The following CWF19L1 variants were observed in gnomAD, a reference collection of about 807,000 sequenced individuals.
CWF19L1 encodes the protein CWF19-like protein 1.
Under a neutral mutation model 69.7 loss-of-function variants are expected in CWF19L1, and 60 were observed. The ratio of observed to expected loss-of-function variants is 0.86; its 90% CI spans 0.70 to 1.07. The LOEUF (loss-of-function observed/expected upper bound fraction) is 1.07. Among genes scored for constraint, CWF19L1 ranks in the 50% least tolerant of loss-of-function variants. The pLI is 0.00. For synonymous variants in CWF19L1, 209 were observed against 222.2 expected, an observed-to-expected ratio of 0.94 and a Z score of 0.53; for missense variants, 591 against 638.9, an observed-to-expected ratio of 0.92 and a Z score of 0.81.
rs766557305 is a variant in CWF19L1, at chr10:100,234,488, TG to T, written c.1473-1118del. ...TGTTGTCAATGTTCATAACCGCATCTGTTGCTGAGGCAACAACGAAAACATC... is the reference window on the plus strand; with the variant it reads ...TGTTGTCAATGTTCATAACCGCATCTTTGCTGAGGCAACAACGAAAACATC... On this transcript the variant is annotated intron_variant, in intron 13 of 13. Transcript: ENST00000354105. Among the ~76,000 whole-genome samples, 23 of 152,356 alleles carry T rather than the reference TG, an allele frequency of 1.5e-4. No homozygotes were observed. In the East Asian group the frequency reaches 4.4e-3, roughly 29 times the overall value.
intron 7 of CWF19L1, chr10:100,248,588 A>T: frequency 1.4e-6 from 1 of 739,066 alleles, no homozygotes. Context: ...ACCAGCATTG[A>T]AGAGGATTAT....
intron 13 of CWF19L1, 148 bp from the exon 14 acceptor site, chr10:100,233,519 G>A (rs1465227257): frequency 2.7e-5 from 18 of 662,298 alleles, no homozygotes; most frequent in South Asian, 1.5e-4. Flanking sequence ...AATCATACCC[G>A]TTTTAAATGA....
At chr10:100,259,200 T>TAA (rs11285407) in intron 4 of CWF19L1, among the ~76,000 whole-genome samples, 4 of 128,452 alleles carry the variant, frequency 3.1e-5, no homozygotes, top group East Asian at 2.3e-4. Context: ...GACACTGTCT[T>TAA]AAAAAAAAAA....
At chr10:100,243,094 A>T (rs1846688466) in intron 10 of CWF19L1, among the ~76,000 whole-genome samples, 1 of 152,160 alleles carries the variant, frequency 6.6e-6, no homozygotes. Flanking sequence ...TTACTATATA[A>T]CCTAGCAAAT....
At chr10:100,234,654 C>T (rs1846375358) in intron 13 of CWF19L1, among the ~76,000 whole-genome samples, 1 of 152,188 alleles carries the variant, frequency 6.6e-6, no homozygotes, top group Admixed American at 6.5e-5. Context: ...GTTCAAGGCT[C>T]ACTCAAAGCC....
At chr10:100,260,028 T>C (rs1202781064) in intron 4 of CWF19L1, among the ~76,000 whole-genome samples, 190 bp downstream of exon 4, 11 of 151,688 alleles carry the variant, frequency 7.3e-5, no homozygotes, top group Admixed American at 2.0e-4. Flanking sequence ...ATTAGCCGGG[T>C]ATGGTCACAC....
chr10:100,249,035 T>A, intron 7 of CWF19L1: 2 of 591,944 alleles, frequency 3.4e-6, no homozygotes, highest in Non-Finnish European at 6.3e-6. Flanking sequence ...ATCAGCTCCC[T>A]GCCAGCGGGG....
Position 100,235,629 on chromosome 10 carries a change from G to A in CWF19L1, c.1472+38C>T, listed in dbSNP as rs151028788. ...GTAGCCCACCACTCTGTTCATAGCA[G>A]GTCTAGTGAAAATACATTGAAAAGA... On this transcript the variant is annotated intron_variant, in intron 13 of 13. Coordinates refer to ENST00000354105, the MANE Select transcript of CWF19L1 (RefSeq NM_018294.6). The A allele has an allele frequency of 5.3e-5, 74 of 1,392,016 alleles. No individual in the cohort carries two copies. The African/African-American group carries it at 9.8e-4, about 18-fold the overall frequency. The allele number at this position is 1,392,016 out of a possible 1,614,324, so 86.2% of individuals were successfully genotyped here.
intron 4 of CWF19L1, 94 bp from the exon 5 acceptor site, chr10:100,256,570 C>T (rs1014769776): frequency 5.9e-5 from 56 of 952,402 alleles, no homozygotes; most frequent in African/African-American, 4.2e-4. Flanking sequence ...CTCCTATGTC[C>T]CTGCCATTTT....
rs1846337901 is a variant in CWF19L1, at chr10:100,233,389, A to G, written c.1473-18T>C. 6.2e-7 allele frequency: 1 copy of G among 1,605,834 alleles called. No individual in the cohort carries two copies. On this transcript the variant is annotated intron_variant, in intron 13 of 13. Coordinates refer to ENST00000354105, the MANE Select transcript of CWF19L1 (RefSeq NM_018294.6). ...GGACCTCCCTGCAGAAATAGCACAA[A>G]GAAGTCAAAATGGAAACTATCAGCC...
At chr10:100,251,376 C>T (rs1007713967) in intron 6 of CWF19L1, among the ~76,000 whole-genome samples, 1 of 152,120 alleles carries the variant, frequency 6.6e-6, no homozygotes, top group African/African-American at 2.4e-5. Flanking sequence ...CTTGTCAACA[C>T]TTGTTATTAT....
At chr10:100,255,696 G>C (rs567378888) in intron 5 of CWF19L1, among the ~76,000 whole-genome samples, 9 of 151,476 alleles carry the variant, frequency 5.9e-5, no homozygotes, top group Non-Finnish European at 8.8e-5. Flanking sequence ...CCAGGAGGCA[G>C]AGGTTGTGGT....
At chr10:100,265,846 T>C (rs2134331253) in intron 1 of CWF19L1, among the ~76,000 whole-genome samples, 1 of 152,256 alleles carries the variant, frequency 6.6e-6, no homozygotes, top group South Asian at 2.1e-4. Context: ...ACCCTTTCTA[T>C]ATTTAAATAC....
chr10:100,267,078 T>C lies in CWF19L1; in HGVS notation c.23+493A>G, dbSNP rs1847618921. 2.0e-5 allele frequency among the ~76,000 whole-genome samples: 3 copies of C among 147,728 alleles called. No individual in the cohort carries two copies. In the South Asian group the frequency reaches 6.4e-4, roughly 32 times the overall value. On this transcript the variant is annotated intron_variant, in intron 1 of 13. Transcript: ENST00000354105. ...ACACCTAGCACAGCGTCCGGCACACTGCAGTTCTTCAATAAATACTTGCTG... is the reference window on the plus strand; with the variant it reads ...ACACCTAGCACAGCGTCCGGCACACCGCAGTTCTTCAATAAATACTTGCTG...
intron 8 of CWF19L1, among the ~76,000 whole-genome samples, chr10:100,246,324 A>C (rs916819739): frequency 6.6e-5 from 10 of 152,228 alleles, no homozygotes; most frequent in African/African-American, 2.2e-4. Context: ...AAGTCTGAGA[A>C]AGCAGACCGT....
rs1846459343 is a variant in CWF19L1 at position 100,236,933 on chromosome 10, C to T, written c.1291G>A (p.Asp431Asn). The part of the protein sequence containing the change: ...PVPISCSTTD[D>N]IKDAFITQAQ... ...TGGGTAATGAAGGCATCTTTAATGTCATCAGTAGTAGAGCAGCTGATTGGG... is the reference window on the plus strand; with the variant it reads ...TGGGTAATGAAGGCATCTTTAATGTTATCAGTAGTAGAGCAGCTGATTGGG... The change falls in exon 12 of 14, where the codon GAC becomes AAC. Residue 431 changes from aspartate (D) to asparagine (N), a missense_variant. Physicochemically the swap from Asp to Asn is conservative, Grantham distance 23. Transcript: ENST00000354105. The T allele has an allele frequency of 6.2e-7, 1 of 1,610,344 alleles. No individual in the cohort carries two copies. The highest frequency in any genetic ancestry group is 2.2e-5 in the East Asian group (1 of 44,826).
At chr10:100,245,774 A>C in intron 9 of CWF19L1, 25 bp downstream of exon 9, 5 of 1,562,886 alleles carry the variant, frequency 3.2e-6, no homozygotes, top group Non-Finnish European at 4.4e-6. Context: ...TTCATAGAAG[A>C]AACCTCTGGA....
intron 7 of CWF19L1, 104 bp from the exon 8 acceptor site, chr10:100,247,039 G>T: frequency 1.8e-6 from 2 of 1,117,814 alleles, no homozygotes; most frequent in Non-Finnish European, 2.5e-6. Flanking sequence ...GTGAAACTCA[G>T]TAAAATTAAA....
chr10:100,260,561 C>T (rs1214851672), intron 3 of CWF19L1, among the ~76,000 whole-genome samples: 5 of 151,056 alleles, frequency 3.3e-5, no homozygotes, highest in African/African-American at 1.2e-4. Flanking sequence ...CTTGCTCTGT[C>T]GCCCAGGGTG....
Sources: allele counts gnomAD v4.1 joint callset (sites outside exome capture counted in the v4.1 genomes callset), GRCh38; gene constraint gnomAD v4.1.1; transcripts MANE v1.5; gene names NCBI Gene and HGNC (gene_info 2026-07-23, HGNC 2026-07-21).